Variants in SORCS3 observed in about 807,000 individuals in gnomAD.
SORCS3 encodes the protein VPS10 domain-containing receptor SorCS3.
SORCS3 carries 57 observed loss-of-function variants against 146.3 expected under a neutral mutation model. The observed-to-expected ratio is 0.39, with a 90% CI of 0.31 to 0.49. The LOEUF is 0.49. Ranked by LOEUF, SORCS3 falls within the 20% of genes least tolerant of loss-of-function variation. The pLI is 0.92. For synonymous variants in SORCS3, 653 were observed against 618.5 expected (o/e 1.06, Z -0.83); for missense variants, 1,341 against 1,575.5 (o/e 0.85, Z 2.52).
intron 1 of SORCS3, among the ~76,000 whole-genome samples, chr10:104,748,787 A>G (rs2016945746): frequency 6.6e-6 from 1 of 152,226 alleles, no homozygotes; most frequent in Non-Finnish European, 1.5e-5. Flanking sequence ...CATGAGGCAG[A>G]GGTTGCAGTG....
At chr10:105,215,713 T>G (rs774637926) in intron 18 of SORCS3, among the ~76,000 whole-genome samples, 17 of 152,160 alleles carry the variant, frequency 1.1e-4, no homozygotes, top group Non-Finnish European at 1.6e-4. Flanking sequence ...CAAGGATAGT[T>G]GACATTGTGT....
chr10:105,071,664 G>T (rs753714583), intron 5 of SORCS3, among the ~76,000 whole-genome samples: 45 of 152,160 alleles, frequency 3.0e-4, no homozygotes, highest in Non-Finnish European at 1.6e-4. Context: ...TATCCTTTGA[G>T]TTATGTACAA....
chr10:104,713,681 T>C (rs1026795147), intron 1 of SORCS3, among the ~76,000 whole-genome samples: 1 of 152,232 alleles, frequency 6.6e-6, no homozygotes, highest in Non-Finnish European at 1.5e-5. Flanking sequence ...TATATATTGT[T>C]GAGTTGATTT....
chr10:104,883,193 A>G (rs866400119), intron 2 of SORCS3, among the ~76,000 whole-genome samples: 62 of 152,236 alleles, frequency 4.1e-4, no homozygotes, highest in Non-Finnish European at 8.8e-5. Context: ...ATTTGACAGC[A>G]GAGGTGGAAG....
intron 1 of SORCS3, among the ~76,000 whole-genome samples, chr10:104,700,066 G>A (rs149305583): frequency 0.016 from 2,390 of 152,288 alleles, 26 homozygotes; most frequent in Admixed American, 0.023. Flanking sequence ...TTGGGCTTCA[G>A]AGTCACAAGT....
intron 1 of SORCS3, among the ~76,000 whole-genome samples, chr10:104,825,262 C>A (rs2017922354): frequency 6.6e-6 from 1 of 152,266 alleles, no homozygotes; most frequent in South Asian, 2.1e-4. Context: ...GTACAATACC[C>A]TTTAGCTGAT....
intron 1 of SORCS3, among the ~76,000 whole-genome samples, chr10:104,822,464 A>C (rs2017884618): frequency 6.6e-6 from 1 of 152,150 alleles, no homozygotes; most frequent in Non-Finnish European, 1.5e-5. Flanking sequence ...AATACAAATA[A>C]ATTATGTGTT....
chr10:105,164,174 A>G lies in SORCS3; in HGVS notation c.1733-129A>G, dbSNP rs930720491. The G allele has an allele frequency of 5.7e-6, 4 of 697,622 alleles. No individual in the cohort carries two copies. The African/African-American group carries it at 7.1e-5, about 12-fold the overall frequency. 43.2% of individuals were successfully genotyped at this position (697,622 alleles called of 1,614,324 possible). On this transcript the variant is annotated intron_variant, in intron 11 of 26. Coordinates refer to ENST00000369701, the MANE Select transcript of SORCS3 (RefSeq NM_014978.3). ...CTGGGCTTTTGATATGACACCAGAA[A>G]AGAAACTGCACAAATTAGCTGTAAA...
At chr10:105,026,092 C>T (rs545663697) in intron 4 of SORCS3, among the ~76,000 whole-genome samples, 5 of 152,266 alleles carry the variant, frequency 3.3e-5, no homozygotes, top group African/African-American at 1.2e-4. Flanking sequence ...CTCCTATCCT[C>T]CTCCACTAAT....
chr10:104,847,584 T>G (rs1366395085), intron 2 of SORCS3, among the ~76,000 whole-genome samples: 1 of 152,166 alleles, frequency 6.6e-6, no homozygotes, highest in Non-Finnish European at 1.5e-5. Context: ...AGGTGCAAGG[T>G]GTCCACAGGT....
rs375750828 is a variant in SORCS3, at chr10:104,900,629, G to A, written c.696-15204G>A. The stretch of plus-strand genomic sequence containing the variant: ...TTTATGGCCTGGTGCGGACGCTCAC[G>A]CCTGTAATCCCAGGACTTTGGGGGG... On this transcript the variant is annotated intron_variant, in intron 2 of 26. Transcript: ENST00000369701. Among the ~76,000 whole-genome samples the A allele has an allele frequency of 2.0e-4, 30 of 152,170 alleles. No homozygotes were observed. The East Asian group carries it at 4.7e-3, about 24-fold the overall frequency.
chr10:105,129,689 A>AC (rs2056004114), intron 7 of SORCS3, among the ~76,000 whole-genome samples: 1 of 151,598 alleles, frequency 6.6e-6, no homozygotes, highest in South Asian at 2.1e-4. Flanking sequence ...ACACACACAC[A>AC]AATAGGAAAG....
intron 5 of SORCS3, among the ~76,000 whole-genome samples, chr10:105,082,094 C>A (rs1306588330): frequency 1.3e-5 from 2 of 152,282 alleles, no homozygotes; most frequent in Non-Finnish European, 2.9e-5. Context: ...CCAGTGAAAG[C>A]CTGTGAGGTC....
intron 1 of SORCS3, among the ~76,000 whole-genome samples, chr10:104,786,549 A>AAAT (rs10644058): frequency 0.057 from 8,031 of 140,486 alleles, 468 homozygotes; most frequent in African/African-American, 0.15. Context: ...ACTCCATCTA[A>AAAT]AATAATAATA....
chr10:105,029,541 A>T (rs1316900849), intron 4 of SORCS3, among the ~76,000 whole-genome samples: 1 of 152,166 alleles, frequency 6.6e-6, no homozygotes, highest in East Asian at 1.9e-4. Context: ...TTTGCTGTCT[A>T]ATTGTCTTTC....
intron 13 of SORCS3, among the ~76,000 whole-genome samples, chr10:105,172,759 G>A (rs2056370325): frequency 6.6e-6 from 1 of 152,076 alleles, no homozygotes; most frequent in Middle Eastern, 3.4e-3. Context: ...ATAGTATTTA[G>A]GATTGGGTAG....
intron 4 of SORCS3, among the ~76,000 whole-genome samples, chr10:104,983,977 T>C (rs543290308): frequency 6.6e-6 from 1 of 152,086 alleles, no homozygotes; most frequent in Non-Finnish European, 1.5e-5. Flanking sequence ...ATTAACTGAA[T>C]ACACTCATGA....
intron 3 of SORCS3, among the ~76,000 whole-genome samples, chr10:104,921,005 C>G (rs1376935265): frequency 6.6e-6 from 1 of 152,192 alleles, no homozygotes; most frequent in Non-Finnish European, 1.5e-5. Context: ...CTGAATGTGT[C>G]TGGTTGGTAC....
intron 5 of SORCS3, among the ~76,000 whole-genome samples, chr10:105,063,032 C>T (rs538615890): frequency 1.3e-5 from 2 of 152,308 alleles, no homozygotes; most frequent in South Asian, 4.1e-4. Context: ...TGTTGTATGT[C>T]ATTAATCGCT....
Sources: gnomAD v4.1 joint callset for allele counts (sites outside exome capture counted in the v4.1 genomes callset) on GRCh38, gnomAD v4.1.1 for gene constraint, MANE v1.5 for transcripts, NCBI Gene and HGNC (gene_info 2026-07-23, HGNC 2026-07-21) for gene names.